Variants in BCAR3 observed in about 807,000 individuals in gnomAD.
BCAR3 encodes BCAR3 adaptor protein, NSP family member.
BCAR3 carries 37 observed loss-of-function variants against 80.1 expected under a neutral mutation model. The ratio of observed to expected loss-of-function variants is 0.46; its 90% CI spans 0.36 to 0.61. The LOEUF (loss-of-function observed/expected upper bound fraction) is 0.61. BCAR3 is among the 20% of genes least tolerant of loss of function. BCAR3 has a pLI of 0.00. For missense variants in BCAR3, 978 were observed against 1,068.2 expected (o/e 0.92, Z 1.18); for synonymous variants, 389 against 418.9 (o/e 0.93, Z 0.87).
At chr1:93,654,591 G>A (rs1647283334) in intron 2 of BCAR3, among the ~76,000 whole-genome samples, 1 of 152,268 alleles carries the variant, frequency 6.6e-6, no homozygotes, top group Non-Finnish European at 1.5e-5. Context: ...GTATGAAGTC[G>A]CCAAGTTTTT....
intron 3 of BCAR3, among the ~76,000 whole-genome samples, chr1:93,607,914 G>A (rs567253820): frequency 1.3e-5 from 2 of 152,276 alleles, no homozygotes; most frequent in South Asian, 2.1e-4. Context: ...GAGCTCCTTC[G>A]GGCGGAATGT....
chr1:93,721,240 A>T (rs562637040), intron 2 of BCAR3, among the ~76,000 whole-genome samples: 8 of 152,250 alleles, frequency 5.3e-5, no homozygotes, highest in African/African-American at 1.9e-4. Context: ...TGCCCTGCAG[A>T]CTGGAGCCCA....
At chr1:93,845,881 T>C (rs1273243907) in intron 1 of BCAR3, among the ~76,000 whole-genome samples, 1 of 152,182 alleles carries the variant, frequency 6.6e-6, no homozygotes, top group Non-Finnish European at 1.5e-5. Flanking sequence ...TCAAAAATGG[T>C]GATACTCTGG....
intron 2 of BCAR3, among the ~76,000 whole-genome samples, chr1:93,762,701 C>T (rs1651992986): frequency 6.6e-6 from 1 of 152,166 alleles, no homozygotes; most frequent in South Asian, 2.1e-4. Flanking sequence ...CCCTTGTTCT[C>T]CTCCCATATT....
intron 2 of BCAR3, among the ~76,000 whole-genome samples, chr1:93,837,877 C>T (rs1654823571): frequency 1.3e-5 from 2 of 152,190 alleles, no homozygotes; most frequent in South Asian, 2.1e-4. Context: ...TACCTATGAG[C>T]TCAGTATCAG....
At chr1:93,600,160 C>G (rs1028835799) in intron 3 of BCAR3, among the ~76,000 whole-genome samples, 1 of 152,244 alleles carries the variant, frequency 6.6e-6, no homozygotes, top group African/African-American at 2.4e-5. Flanking sequence ...AGTTTTCATT[C>G]ATGCCAGGGT....
rs61784072 is a variant in BCAR3 at position 93,572,590 on chromosome 1, T to C, written c.1803-749A>G. ...TTTCTCCGCATGACAACAGGATCAA[T>C]ATGAATGGGGTCAGTCTGCGGCAGA... On this transcript the variant is annotated intron_variant, in intron 8 of 11. Coordinates refer to ENST00000260502, the MANE Select transcript of BCAR3 (RefSeq NM_003567.4). Among the ~76,000 whole-genome samples the C allele has an allele frequency of 8.8e-3, 1,337 of 152,320 alleles. 10 individuals are homozygous for C. Among genetic ancestry groups the C allele is most frequent in the Non-Finnish European group, 0.014 (974 of 68,040 alleles).
At chr1:93,752,035 C>A (rs918429790) in intron 2 of BCAR3, among the ~76,000 whole-genome samples, 6 of 152,212 alleles carry the variant, frequency 3.9e-5, no homozygotes, top group Non-Finnish European at 8.8e-5. Context: ...CACATTTATT[C>A]CCTGGGCAGT....
intron 9 of BCAR3, among the ~76,000 whole-genome samples, chr1:93,571,120 C>G (rs1673192736): frequency 6.6e-6 from 1 of 151,904 alleles, no homozygotes; most frequent in African/African-American, 2.4e-5. Flanking sequence ...AGGAGAATCG[C>G]TTGAACCCAG....
intron 2 of BCAR3, among the ~76,000 whole-genome samples, chr1:93,727,223 T>C (rs1278489136): frequency 6.6e-6 from 1 of 152,308 alleles, no homozygotes; most frequent in South Asian, 2.1e-4. Context: ...TAGATCCAGA[T>C]GATGCATTAA....
intron 2 of BCAR3, among the ~76,000 whole-genome samples, chr1:93,815,310 C>T (rs963959175): frequency 3.9e-5 from 6 of 152,054 alleles, no homozygotes; most frequent in African/African-American, 9.7e-5. Context: ...AGCTCAGAGA[C>T]GGGGAACTAT....
intron 9 of BCAR3, among the ~76,000 whole-genome samples, chr1:93,568,585 T>C (rs1158582825): frequency 6.6e-6 from 1 of 152,238 alleles, no homozygotes; most frequent in Non-Finnish European, 1.5e-5. Context: ...CCAGTGTACC[T>C]GAAGAATTTT....
At chr1:93,646,006 A>G (rs2101914130) in intron 2 of BCAR3, among the ~76,000 whole-genome samples, 1 of 152,246 alleles carries the variant, frequency 6.6e-6, no homozygotes, top group South Asian at 2.1e-4. Context: ...TATAAAATGT[A>G]TTTCTATCAG....
At chr1:93,668,553 T>C (rs1485741563) in intron 2 of BCAR3, among the ~76,000 whole-genome samples, 1 of 152,214 alleles carries the variant, frequency 6.6e-6, no homozygotes, top group Non-Finnish European at 1.5e-5. Flanking sequence ...TTCAAAATGT[T>C]ACTAAAACTC....
intron 2 of BCAR3, among the ~76,000 whole-genome samples, chr1:93,657,456 A>T (rs942977615): frequency 2.0e-5 from 3 of 152,220 alleles, no homozygotes; most frequent in African/African-American, 7.2e-5. Context: ...TTGATACCAA[A>T]AACAGACAAA....
chr1:93,819,950 G>A (rs1654158049), intron 2 of BCAR3, among the ~76,000 whole-genome samples: 1 of 151,004 alleles, frequency 6.6e-6, no homozygotes. Context: ...CCCAGGGTCT[G>A]TTGTTCCCTC....
chr1:93,651,443 T>C (rs1676324091), intron 2 of BCAR3, among the ~76,000 whole-genome samples: 1 of 152,226 alleles, frequency 6.6e-6, no homozygotes. Flanking sequence ...AGAGACTGTA[T>C]CTATCTTAGG....
Position 93,592,340 on chromosome 1 carries a change from CTCCTTCTTCAGT to C in BCAR3, c.399_410del (p.Lys135_Leu138del). On this transcript the variant is annotated inframe_deletion, in exon 4 of 12. Transcript: ENST00000260502. The surrounding 1 kb of genome is among the most constrained non-coding windows in gnomAD (Gnocchi z 4.8). ...TGCTCAGGAGCAGCTCCTCCTCCAG[CTCCTTCTTCAGT>C]TTCTCGGGGGTCCTGTCCATGATGT... is the stretch of plus-strand genomic sequence containing the variant. The C allele has an allele frequency of 1.2e-6, 2 of 1,609,978 alleles. No homozygotes were observed. Among genetic ancestry groups the C allele is most frequent in the Non-Finnish European group, 1.7e-6 (2 of 1,179,852 alleles).
At chr1:93,593,948 A>C (rs1557851370) in intron 3 of BCAR3, among the ~76,000 whole-genome samples, 1 of 152,142 alleles carries the variant, frequency 6.6e-6, no homozygotes, top group Non-Finnish European at 1.5e-5. Context: ...TGGAATTTGC[A>C]TCAAAGAGAT....
Sources: gnomAD v4.1 joint callset for allele counts (sites outside exome capture counted in the v4.1 genomes callset) on GRCh38, gnomAD v4.1.1 for gene constraint, Gnocchi (gnomAD v3.1) non-coding constraint, MANE v1.5 for transcripts, NCBI Gene and HGNC (gene_info 2026-07-23, HGNC 2026-07-21) for gene names.